Variants in DNAH9 observed in about 807,000 individuals in gnomAD.
The protein encoded by DNAH9 is DNAH9 variant protein.
Under a neutral mutation model 471.6 loss-of-function variants are expected in DNAH9, and 345 were observed. The ratio of observed to expected loss-of-function variants is 0.73; its 90% CI spans 0.67 to 0.80. The LOEUF is 0.80. Among genes scored for constraint, DNAH9 ranks in the 30% least tolerant of loss-of-function variants. The pLI, the probability that DNAH9 is intolerant of heterozygous loss-of-function variation, is 0.00. For synonymous variants in DNAH9, 2,093 were observed against 2,123.6 expected (o/e 0.99, Z 0.40); for missense variants, 5,407 against 5,609.2 (o/e 0.96, Z 1.15).
In DNAH9 at chr17:11,608,114, G is replaced by T. The variant is rs780895746; in HGVS notation, c.418-15G>T. ...TGGAACACCTGCCTTTCTTTCCTGT[G>T]CACCTCTGTTCCAGGTTGTTCTACC... is the stretch of plus-strand genomic sequence containing the variant. On this transcript the variant is annotated splice_polypyrimidine_tract_variant and intron_variant, in intron 1 of 68. Coordinates refer to ENST00000262442, the MANE Select transcript of DNAH9 (RefSeq NM_001372.4). 1 of 1,556,924 alleles carries T rather than the reference G, an allele frequency of 6.4e-7. No homozygotes were observed. The highest frequency in any genetic ancestry group is 2.3e-5 in the East Asian group (1 of 43,988).
At chr17:11,646,945 C>G in intron 11 of DNAH9, 127 bp from the exon 12 acceptor site, 2 of 869,306 alleles carry the variant, frequency 2.3e-6, no homozygotes, top group Non-Finnish European at 1.7e-6. Context: ...TGGTTACTCT[C>G]AGAAGCTGAC....
At chr17:11,837,850 A>T (rs1198668184) in intron 49 of DNAH9, among the ~76,000 whole-genome samples, 1 of 152,172 alleles carries the variant, frequency 6.6e-6, no homozygotes, top group African/African-American at 2.4e-5. Flanking sequence ...GCTGGGTCTC[A>T]AATGTTCCAA....
chr17:11,644,728 T>A, intron 11 of DNAH9, 29 bp downstream of exon 11: 1 of 1,521,790 alleles, frequency 6.6e-7, no homozygotes, highest in Non-Finnish European at 9.1e-7. Context: ...TGCGTGGGTC[T>A]GCAGATTGCA....
chr17:11,846,244 AT>A (rs1971220582), intron 49 of DNAH9, among the ~76,000 whole-genome samples: 1 of 142,902 alleles, frequency 7.0e-6, no homozygotes, highest in Non-Finnish European at 1.5e-5. Context: ...TCCCAGCACC[AT>A]TTATTAAATA....
chr17:11,805,577 T>G lies in DNAH9; in HGVS notation c.8421-2155T>G, dbSNP rs1307732277. ...TTTTTTTTTTTTTTGAGATGGAGTC[T>G]CTCTCTATCATCCAGACTGGAGTGC... On this transcript the variant is annotated intron_variant, in intron 43 of 68. Transcript: ENST00000262442. Among the ~76,000 whole-genome samples, 7 of 119,490 alleles carry G rather than the reference T, an allele frequency of 5.9e-5. No homozygotes were observed. In the Admixed American group the frequency reaches 6.4e-4, roughly 11 times the overall value. The allele number at this position is 119,490 out of a possible 152,430, so 78.4% of individuals were successfully genotyped here. A position where few individuals can be genotyped will look rare whatever the true frequency, so the allele number is the denominator to read the frequency against.
intron 27 of DNAH9, among the ~76,000 whole-genome samples, chr17:11,722,917 AT>A (rs138091555): frequency 0.021 from 3,172 of 152,150 alleles, 109 homozygotes; most frequent in African/African-American, 0.072. Flanking sequence ...GTTTGGAATT[AT>A]TTCCAACCCT....
chr17:11,867,650 A>G (rs1372208828), intron 50 of DNAH9, among the ~76,000 whole-genome samples: 1 of 152,208 alleles, frequency 6.6e-6, no homozygotes, highest in Non-Finnish European at 1.5e-5. Flanking sequence ...AACTTAATCT[A>G]AGCCTGCATT....
chr17:11,676,261 T>C (rs571015540), intron 17 of DNAH9, among the ~76,000 whole-genome samples: 4 of 150,632 alleles, frequency 2.7e-5, no homozygotes, highest in Non-Finnish European at 5.9e-5. Flanking sequence ...TGTCTCCCTC[T>C]TTTCATTTCT....
chr17:11,722,586 A>G (rs2075079196), intron 27 of DNAH9, among the ~76,000 whole-genome samples: 1 of 152,218 alleles, frequency 6.6e-6, no homozygotes, highest in African/African-American at 2.4e-5. Flanking sequence ...AGGAGAGTCT[A>G]GGCTGTGGTC....
At chr17:11,810,026 A>C (rs191093596) in intron 44 of DNAH9, among the ~76,000 whole-genome samples, 2 of 152,232 alleles carry the variant, frequency 1.3e-5, no homozygotes, top group Admixed American at 1.3e-4. Flanking sequence ...ATTGCTATGT[A>C]ATTTCTCTTG....
chr17:11,712,034 T>TTATATAAAAA (rs1555571257), intron 26 of DNAH9, among the ~76,000 whole-genome samples: 1 of 2,654 alleles, frequency 3.8e-4, no homozygotes, highest in African/African-American at 4.4e-4. Context: ...ATATATATAT[T>TTATATAAAAA]TATATATATT....
Position 11,735,538 on chromosome 17 carries a change from C to T in DNAH9, c.5815-3342C>T, listed in dbSNP as rs8072662. Among the ~76,000 whole-genome samples, 329 of 152,150 alleles carry T rather than the reference C, an allele frequency of 2.2e-3. 2 individuals carry two copies. Among genetic ancestry groups the T allele is most frequent in the African/African-American group, 7.5e-3 (310 of 41,500 alleles). On this transcript the variant is annotated intron_variant, in intron 28 of 68. Transcript: ENST00000262442. ...GCCACCTCTGCCTCCCAGGTTCAAG[C>T]GATTCTCCTGCCTCCGCCTCCCAAG... is the stretch of plus-strand genomic sequence containing the variant.
chr17:11,664,796 T>C lies in DNAH9; in HGVS notation c.2596-37T>C, dbSNP rs748019490. The C allele has an allele frequency of 1.8e-5, 29 of 1,581,188 alleles. No individual in the cohort carries two copies. In the East Asian group the frequency reaches 6.3e-4, roughly 34 times the overall value. On this transcript the variant is annotated intron_variant, in intron 14 of 68. Coordinates refer to ENST00000262442, the MANE Select transcript of DNAH9 (RefSeq NM_001372.4). ...GATTACACCAGTTCTTTCATGCTAT[T>C]AAACGAGGTTTATATCCTTTCTTCT...
chr17:11,758,401 T>G (rs556064328), intron 35 of DNAH9, among the ~76,000 whole-genome samples: 14 of 152,182 alleles, frequency 9.2e-5, no homozygotes, highest in Non-Finnish European at 1.9e-4. Context: ...ATTTGATGCA[T>G]CATTCTGTGA....
At chr17:11,725,981 C>T (rs2075144956) in intron 27 of DNAH9, among the ~76,000 whole-genome samples, 1 of 152,186 alleles carries the variant, frequency 6.6e-6, no homozygotes, top group African/African-American at 2.4e-5. Flanking sequence ...TGCAAACCTC[C>T]AAAGATCCCT....
At chr17:11,866,849 G>A (rs140129459) in intron 50 of DNAH9, among the ~76,000 whole-genome samples, 143 of 152,254 alleles carry the variant, frequency 9.4e-4, no homozygotes, top group African/African-American at 3.3e-3. Flanking sequence ...ATCTCCTGGT[G>A]CACTGTTTTT....
At chr17:11,907,458 G>GGA (rs1973646292) in intron 61 of DNAH9, among the ~76,000 whole-genome samples, 1 of 142,644 alleles carries the variant, frequency 7.0e-6, no homozygotes, top group Non-Finnish European at 1.5e-5. Context: ...CAACAAGAGT[G>GGA]AAAAAAAAAA....
intron 57 of DNAH9, among the ~76,000 whole-genome samples, chr17:11,887,409 C>G (rs897101561): frequency 1.3e-5 from 2 of 152,166 alleles, no homozygotes; most frequent in African/African-American, 4.8e-5. Context: ...TCTTATGACC[C>G]TAATATCCCC....
At chr17:11,822,253 T>G (rs551358792) in intron 46 of DNAH9, among the ~76,000 whole-genome samples, 185 bp from the exon 47 acceptor site, 1 of 152,348 alleles carries the variant, frequency 6.6e-6, no homozygotes, top group Admixed American at 6.5e-5. Flanking sequence ...GCATCCCTTG[T>G]GGATCACGCA....
Sources: gnomAD v4.1 joint callset for allele counts (sites outside exome capture counted in the v4.1 genomes callset) on GRCh38, gnomAD v4.1.1 for gene constraint, MANE v1.5 for transcripts, NCBI Gene and HGNC (gene_info 2026-07-23, HGNC 2026-07-21) for gene names.